Variants in MTR observed in about 807,000 individuals in gnomAD.
The protein encoded by MTR is methionine synthase.
Under a neutral mutation model 154.8 loss-of-function variants are expected in MTR, and 84 were observed. That is an observed-to-expected ratio of 0.54 (90% confidence interval 0.45 to 0.65). The LOEUF is 0.65. Among genes scored for constraint, MTR ranks in the 30% least tolerant of loss-of-function variants. The probability of loss-of-function intolerance (pLI) is 0.00; values close to 1 mark genes in which losing one functional copy is unlikely to be tolerated. For missense variants in MTR, 1,275 were observed against 1,570.2 expected (o/e 0.81, Z 3.18); for synonymous variants, 554 against 553.9 (o/e 1.00, Z 0.00).
chr1:236,877,233 C>T (rs780259822), intron 24 of MTR, among the ~76,000 whole-genome samples: 3 of 152,196 alleles, frequency 2.0e-5, no homozygotes, highest in Non-Finnish European at 2.9e-5. Context: ...CTTTAGCAAG[C>T]TCTCTTATTT....
In MTR at chr1:236,815,664, G is replaced by A. The variant is rs769797864; in HGVS notation, c.669+1G>A. ...GAAATATGCTCCCCGGCCTATCTTT[G>A]TAAGTTCTAAAGTGTTTGCACAATA... is the stretch of plus-strand genomic sequence containing the variant. On this transcript the variant is annotated splice_donor_variant, in intron 7 of 32. Transcript: ENST00000366577. LOFTEE classifies it high-confidence loss of function. 6.2e-6 allele frequency: 10 copies of A among 1,608,448 alleles called. No homozygotes were observed. The highest frequency in any genetic ancestry group is 3.4e-6 in the Non-Finnish European group (4 of 1,178,990).
chr1:236,848,210 A>G (rs894874551), intron 15 of MTR, among the ~76,000 whole-genome samples: 7 of 152,154 alleles, frequency 4.6e-5, no homozygotes, highest in Admixed American at 1.3e-4. Flanking sequence ...TTGTCCCACA[A>G]GCAGGGCTGT....
chr1:236,873,862 GGC>G (rs752691956), intron 23 of MTR, 22 bp downstream of exon 23: 1 of 1,608,720 alleles, frequency 6.2e-7, no homozygotes, highest in South Asian at 1.1e-5. Flanking sequence ...CTATACTTTG[GGC>G]ATTTCTCTAA....
At position 236,903,910 on chromosome 1, in the gene MTR, T is replaced by A. The variant is rs1228177851; in HGVS notation, c.*6266T>A. 1 of 152,228 alleles carries A rather than the reference T, an allele frequency of 6.6e-6. No individual in the cohort carries two copies. The highest frequency in any genetic ancestry group is 2.4e-5 in the African/African-American group (1 of 41,466). 9.4% of individuals were successfully genotyped at this position (152,228 alleles called of 1,614,324 possible). On this transcript the variant is annotated 3_prime_UTR_variant, in exon 33 of 33. Coordinates refer to ENST00000366577, the MANE Select transcript of MTR (RefSeq NM_000254.3). ...GAAAATGTATTTATTTTGTGCATAT[T>A]TTCAATAAAATATATAAAATCGAGT...
At chr1:236,833,505 T>G (rs543468171) in intron 13 of MTR, among the ~76,000 whole-genome samples, 1 of 152,280 alleles carries the variant, frequency 6.6e-6, no homozygotes, top group South Asian at 2.1e-4. Flanking sequence ...GACTTGCCTA[T>G]TGTTGTACAG....
intron 18 of MTR, among the ~76,000 whole-genome samples, chr1:236,855,212 A>T (rs1452495473): frequency 6.6e-6 from 1 of 152,202 alleles, no homozygotes; most frequent in Non-Finnish European, 1.5e-5. Context: ...GTTATTGCAA[A>T]TGAAGAAGTC....
At chr1:236,814,783 A>T (rs918388303) in intron 6 of MTR, among the ~76,000 whole-genome samples, 1 of 152,268 alleles carries the variant, frequency 6.6e-6, no homozygotes, top group East Asian at 1.9e-4. Context: ...CAGAACTTTC[A>T]TGGCTATTCT....
rs2229274 is a variant in MTR, at chr1:236,826,841, G to A, written c.940G>A (p.Asp314Asn). The A allele has an allele frequency of 0.02, 32,563 of 1,613,906 alleles. 448 individuals are homozygous for A. Among genetic ancestry groups the A allele is most frequent in the Middle Eastern group, 0.045 (272 of 6,062 alleles). ...TTCCTAAATGCAGGATTTTGCTATG[G>A]ATGGCTTGGTCAATATAGTTGGAGG... The part of the protein sequence containing the change: ...MAKHLKDFAM[D>N]GLVNIVGGCC... The change falls in exon 11 of 33, where the codon GAT becomes AAT. Residue 314 changes from aspartate (D) to asparagine (N), a missense_variant. Transcript: ENST00000366577.
chr1:236,844,012 C>T (rs1663414316), intron 15 of MTR, among the ~76,000 whole-genome samples: 1 of 151,940 alleles, frequency 6.6e-6, no homozygotes, highest in Non-Finnish European at 1.5e-5. Flanking sequence ...CTGAGCTCAC[C>T]AAAGGAATGA....
chr1:236,809,313 G>C (rs1033337502), intron 4 of MTR, among the ~76,000 whole-genome samples: 1 of 152,194 alleles, frequency 6.6e-6, no homozygotes, highest in East Asian at 1.9e-4. Context: ...GCTTGGACTT[G>C]AAAAGTGGCT....
intron 13 of MTR, among the ~76,000 whole-genome samples, chr1:236,834,713 TTAAA>T (rs1371114757): frequency 1.3e-5 from 2 of 152,198 alleles, no homozygotes; most frequent in Admixed American, 6.5e-5. Context: ...CAGTGAAAAC[TTAAA>T]TAAACAAAAA....
At chr1:236,807,575 T>A (rs1661057114) in intron 3 of MTR, among the ~76,000 whole-genome samples, 1 of 152,242 alleles carries the variant, frequency 6.6e-6, no homozygotes, top group South Asian at 2.1e-4. Context: ...GTAGTCATCC[T>A]AATGATACTA....
At chr1:236,862,512 G>T (rs1331821323) in intron 21 of MTR, among the ~76,000 whole-genome samples, 169 bp downstream of exon 21, 1 of 152,134 alleles carries the variant, frequency 6.6e-6, no homozygotes, top group African/African-American at 2.4e-5. Flanking sequence ...AATACTCTGG[G>T]ACTTTCTTTT....
chr1:236,812,605 A>G (rs1472991188), intron 5 of MTR, 133 bp from the exon 6 acceptor site: 5 of 771,250 alleles, frequency 6.5e-6, no homozygotes, highest in South Asian at 5.7e-5. Flanking sequence ...GTTTCTTACA[A>G]AAGATCATGT....
At chr1:236,895,601 C>CT (rs1191305877) in intron 31 of MTR, 51 bp downstream of exon 31, 2 of 1,533,474 alleles carry the variant, frequency 1.3e-6, no homozygotes, top group African/African-American at 2.8e-5. Context: ...AGTAGATACT[C>CT]TTATCAGCAT....
At chr1:236,822,942 T>C (rs1244655048) in intron 8 of MTR, among the ~76,000 whole-genome samples, 1 of 152,228 alleles carries the variant, frequency 6.6e-6, no homozygotes, top group Non-Finnish European at 1.5e-5. Flanking sequence ...TTTCACATGA[T>C]TAAGCATGAT....
At chr1:236,861,402 T>C in intron 20 of MTR, 125 bp downstream of exon 20, 1 of 1,351,582 alleles carries the variant, frequency 7.4e-7, no homozygotes, top group Non-Finnish European at 1.0e-6. Context: ...TGGCTAGTCA[T>C]TCCTTCTCTA....
chr1:236,840,504 C>G (rs893649952), intron 15 of MTR, among the ~76,000 whole-genome samples: 1 of 152,164 alleles, frequency 6.6e-6, no homozygotes, highest in Admixed American at 6.5e-5. Flanking sequence ...CTGTTCAGAA[C>G]AGGTGGTCTT....
rs150615977 is a variant in MTR at position 236,879,055 on chromosome 1, T to C, written c.2595-1700T>C. ...TGGTCTTGTCTGTCTTATGAGTTTTTAGAGCCTTCCTTGAGAAGCCTGTTA... is the reference window on the plus strand; with the variant it reads ...TGGTCTTGTCTGTCTTATGAGTTTTCAGAGCCTTCCTTGAGAAGCCTGTTA... On this transcript the variant is annotated intron_variant, in intron 24 of 32. Transcript: ENST00000366577. Among the ~76,000 whole-genome samples the C allele has an allele frequency of 1.8e-3, 281 of 152,380 alleles. 4 individuals carry two copies. In the Middle Eastern group the frequency reaches 0.048, roughly 26 times the overall value.
Sources: allele counts gnomAD v4.1 joint callset (sites outside exome capture counted in the v4.1 genomes callset), GRCh38; gene constraint gnomAD v4.1.1; transcripts MANE v1.5; gene names NCBI Gene and HGNC (gene_info 2026-07-23, HGNC 2026-07-21).